The following ZMYND11 variants were observed in gnomAD, a reference collection of about 807,000 sequenced individuals.
ZMYND11 encodes zinc finger MYND-type containing 11, also known as zinc finger MYND domain-containing protein 11.
In ZMYND11, 9 loss-of-function variants were observed where a neutral mutation model predicts 84.9. That is an observed-to-expected ratio of 0.11 (90% CI 0.06 to 0.18). ZMYND11 has a LOEUF of 0.18. ZMYND11 is among the 10% of genes least tolerant of loss of function. The pLI is 1.00. For synonymous variants in ZMYND11, 250 were observed against 244.1 expected (o/e 1.02, Z -0.23); for missense variants, 409 against 761.0 (o/e 0.54, Z 5.44).
chr10:177,778 T>C (rs982138571), intron 1 of ZMYND11, among the ~76,000 whole-genome samples: 40 of 152,170 alleles, frequency 2.6e-4, no homozygotes, highest in Admixed American at 9.8e-4. Context: ...ATATGTATTA[T>C]TCTTCAGTGT....
intron 2 of ZMYND11, among the ~76,000 whole-genome samples, chr10:194,174 G>A (rs1463916769): frequency 2.1e-5 from 3 of 145,644 alleles, no homozygotes; most frequent in Non-Finnish European, 1.5e-5. Context: ...TTTTTTGGTA[G>A]AGTCGGGGTT....
intron 1 of ZMYND11, among the ~76,000 whole-genome samples, chr10:176,855 A>G (rs1336956733): frequency 5.3e-5 from 8 of 152,104 alleles, no homozygotes; most frequent in African/African-American, 1.9e-4. Flanking sequence ...AAACAAAGAG[A>G]TGGAGGTGTG....
At chr10:163,246 A>G (rs1232463411) in intron 1 of ZMYND11, among the ~76,000 whole-genome samples, 1 of 152,104 alleles carries the variant, frequency 6.6e-6, no homozygotes, top group Non-Finnish European at 1.5e-5. Context: ...CTACCTGGGA[A>G]GCAACTCTCA....
At chr10:186,472 C>G (rs957006113) in intron 2 of ZMYND11, among the ~76,000 whole-genome samples, 1 of 151,608 alleles carries the variant, frequency 6.6e-6, no homozygotes, top group African/African-American at 2.4e-5. Flanking sequence ...GAAACCCTGT[C>G]CCTACTAAAA....
chr10:252,078 AGAAAC>A lies in ZMYND11; in HGVS notation c.1687-268_1687-264del, dbSNP rs1173120935. 4.6e-5 allele frequency among the ~76,000 whole-genome samples: 7 copies of A among 152,194 alleles called. No individual in the cohort carries two copies. Among genetic ancestry groups the A allele is most frequent in the Non-Finnish European group, 8.8e-5 (6 of 68,036 alleles). On this transcript the variant is annotated intron_variant, in intron 14 of 14. Transcript: ENST00000381604. This position sits in a 1 kb window ranked among gnomAD's most constrained non-coding sequence, Gnocchi z 4.6. ...GTGAAGTCAAGAGCATTTTAAGAAA[AGAAAC>A]GGGAATGACTCTCACAGAGATGGAA...
chr10:184,826 C>T (rs1336438400), intron 2 of ZMYND11, among the ~76,000 whole-genome samples: 1 of 152,082 alleles, frequency 6.6e-6, no homozygotes, highest in Non-Finnish European at 1.5e-5. Context: ...CTCCCTATGC[C>T]ATGTTTATGA....
chr10:213,816 A>G (rs1269370427), intron 3 of ZMYND11, among the ~76,000 whole-genome samples: 1 of 152,222 alleles, frequency 6.6e-6, no homozygotes, highest in African/African-American at 2.4e-5. Flanking sequence ...ATGGAATTTA[A>G]AAGTCAGAGT....
intron 4 of ZMYND11, among the ~76,000 whole-genome samples, chr10:223,433 GTTCTT>G (rs1424537463): frequency 1.3e-5 from 2 of 152,050 alleles, no homozygotes; most frequent in South Asian, 4.1e-4. Flanking sequence ...ATTCTGTTCT[GTTCTT>G]CTCTTTTCCT....
intron 2 of ZMYND11, 35 bp from the exon 3 acceptor site, chr10:209,854 A>C: frequency 6.3e-7 from 1 of 1,575,654 alleles, no homozygotes; most frequent in Non-Finnish European, 8.6e-7. Flanking sequence ...TTCAGTACTG[A>C]AAGATTTTTA....
chr10:209,249 T>C (rs1295753091), intron 2 of ZMYND11, among the ~76,000 whole-genome samples: 3 of 152,196 alleles, frequency 2.0e-5, no homozygotes, highest in Non-Finnish European at 4.4e-5. Context: ...GTGTGTCGGA[T>C]ATATTTCACT....
chr10:188,349 G>C (rs945880264), intron 2 of ZMYND11, among the ~76,000 whole-genome samples: 4 of 151,976 alleles, frequency 2.6e-5, no homozygotes, highest in African/African-American at 9.7e-5. Flanking sequence ...CACTTTGGGA[G>C]GCTGAGGCAG....
At chr10:241,703 C>T (rs974517112) in intron 9 of ZMYND11, among the ~76,000 whole-genome samples, 2 of 151,930 alleles carry the variant, frequency 1.3e-5, no homozygotes, top group African/African-American at 4.9e-5. Context: ...TTCCCCATTT[C>T]TAACAAATTC....
upstream of ZMYND11, among the ~76,000 whole-genome samples, chr10:132,319 G>A (rs944515172): frequency 6.7e-6 from 1 of 149,722 alleles, no homozygotes; most frequent in Non-Finnish European, 1.5e-5. Flanking sequence ...ATATTTTATT[G>A]GTCTCTGAGA....
rs938530557 is a variant in ZMYND11 at position 230,488 on chromosome 10, A to C, written c.439-6350A>C. ...ACTCAGTCTCAAAAAAAAAAAAAAA[A>C]AAAAAAAAAAAAACTACAGCCTCCA... On this transcript the variant is annotated intron_variant, in intron 4 of 14. Transcript: ENST00000381604. 6.6e-5 allele frequency among the ~76,000 whole-genome samples: 10 copies of C among 150,608 alleles called. 1 individual carries two copies. The highest frequency in any genetic ancestry group is 1.3e-4 in the Admixed American group (2 of 15,154).
At chr10:157,907 A>G (rs1318169204) in intron 1 of ZMYND11, among the ~76,000 whole-genome samples, 9 of 152,056 alleles carry the variant, frequency 5.9e-5, no homozygotes, top group Admixed American at 5.2e-4. Flanking sequence ...GGCACCTTCC[A>G]GTTTTTCTGT....
intron 14 of ZMYND11, among the ~76,000 whole-genome samples, chr10:250,631 CTCT>C (rs1328179090): frequency 6.6e-6 from 1 of 152,190 alleles, no homozygotes; most frequent in African/African-American, 2.4e-5. Context: ...TATTTTTGTA[CTCT>C]TCTTTAAGAT....
At chr10:142,345 G>A (rs1299632247) in intron 1 of ZMYND11, among the ~76,000 whole-genome samples, 2 of 152,010 alleles carry the variant, frequency 1.3e-5, no homozygotes, top group Admixed American at 6.6e-5. Flanking sequence ...CACCTGACTC[G>A]TTCTCAAAGT....
chr10:220,881 A>C (rs1564405118), intron 3 of ZMYND11, among the ~76,000 whole-genome samples: 1 of 152,232 alleles, frequency 6.6e-6, no homozygotes, highest in East Asian at 1.9e-4. Flanking sequence ...TTACTAAAGA[A>C]ATTATTCCTT....
intron 9 of ZMYND11, among the ~76,000 whole-genome samples, chr10:241,352 A>ATTTTTTGTAG (rs1554789794): frequency 2.6e-5 from 4 of 151,772 alleles, no homozygotes; most frequent in Admixed American, 2.6e-4. Flanking sequence ...TAATTTTTGT[A>ATTTTTTGTAG]TTTTTTGTAG....
Sources: gnomAD v4.1 joint callset for allele counts (sites outside exome capture counted in the v4.1 genomes callset) on GRCh38, gnomAD v4.1.1 for gene constraint, Gnocchi (gnomAD v3.1) non-coding constraint, MANE v1.5 for transcripts, NCBI Gene and HGNC (gene_info 2026-07-23, HGNC 2026-07-21) for gene names.